The following LY75 variants were observed in gnomAD, a reference collection of about 807,000 sequenced individuals.
LY75 encodes C-type lectin domain family 13 member B.
Under a neutral mutation model 231.7 loss-of-function variants are expected in LY75, and 185 were observed. The observed-to-expected ratio is 0.80, with a 90% confidence interval of 0.71 to 0.90. LY75 has a LOEUF of 0.90. Among genes scored for constraint, LY75 ranks in the 40% least tolerant of loss-of-function variants. The pLI, the probability that LY75 is intolerant of heterozygous loss-of-function variation, is 0.00. For synonymous variants in LY75, 668 were observed against 689.0 expected (o/e 0.97, Z 0.48); for missense variants, 1,947 against 2,050.2 (o/e 0.95, Z 0.97).
chr2:159,868,750 G>A (rs920079499), intron 13 of LY75, among the ~76,000 whole-genome samples: 3 of 151,996 alleles, frequency 2.0e-5, no homozygotes, highest in Admixed American at 1.3e-4. Flanking sequence ...ATGGCTCCTC[G>A]TTCCAGTTAG....
rs1685232992 is a variant in LY75, at chr2:159,875,358, G to A, written c.1974+86C>T. The A allele has an allele frequency of 3.3e-6, 5 of 1,534,578 alleles. No individual in the cohort carries two copies. The South Asian group carries it at 5.1e-5, about 16-fold the overall frequency. On this transcript the variant is annotated intron_variant, in intron 12 of 34. Coordinates refer to ENST00000263636, the MANE Select transcript of LY75 (RefSeq NM_002349.4). ...TTTAGTTAGGTTACATAGTACTATG[G>A]AGAAGAGCATAATTTGTACAAGGAC...
Position 159,840,896 on chromosome 2 carries a change from G to C in LY75, c.3340C>G (p.Leu1114Val). Reference sequence around the variant, plus strand: ...AGAGTCTTTGGGATTATTTTGTACAGATTATTTAGATACTTTACAGTTTCT... The same window carrying C: ...AGAGTCTTTGGGATTATTTTGTACACATTATTTAGATACTTTACAGTTTCT... The part of the protein sequence containing the change: ...ASETVKYLNN[L>V]YKIIPKTLTW... Residue 1114 changes from leucine to valine, a missense_variant, in exon 25 of 35, where the codon CTG becomes GTG. Leu to Val is a conservative substitution (Grantham distance 32). Transcript: ENST00000263636. 6.2e-7 allele frequency: 1 copy of C among 1,614,030 alleles called. No individual in the cohort carries two copies. The highest frequency in any genetic ancestry group is 8.5e-7 in the Non-Finnish European group (1 of 1,179,966).
chr2:159,826,142 A>C (rs1031965278), intron 28 of LY75, among the ~76,000 whole-genome samples: 1 of 152,186 alleles, frequency 6.6e-6, no homozygotes. Flanking sequence ...AGGGCATTCA[A>C]ATGGGAAGAG....
At chr2:159,865,885 A>G (rs1684843875) in intron 13 of LY75, among the ~76,000 whole-genome samples, 1 of 152,168 alleles carries the variant, frequency 6.6e-6, no homozygotes. Flanking sequence ...CCTCAAATAC[A>G]TTTATGCTCT....
At chr2:159,886,270 A>C in intron 5 of LY75, 150 bp downstream of exon 5, 1 of 796,830 alleles carries the variant, frequency 1.3e-6, no homozygotes, top group East Asian at 3.1e-5. Flanking sequence ...ACCACAATTA[A>C]GAATGGTTTA....
intron 4 of LY75, among the ~76,000 whole-genome samples, chr2:159,888,943 G>T (rs1574596159): frequency 6.6e-6 from 1 of 152,140 alleles, no homozygotes; most frequent in East Asian, 1.9e-4. Context: ...GATGAAAGGA[G>T]ATAATGTATA....
At position 159,807,802 on chromosome 2, in the gene LY75, C is replaced by T. The variant is rs994105086; in HGVS notation, c.4822+647G>A. The T allele has an allele frequency of 6.3e-6, 6 of 950,670 alleles. No individual in the cohort carries two copies. The African/African-American group carries it at 1.1e-4, about 17-fold the overall frequency. 58.9% of individuals were successfully genotyped at this position (950,670 alleles called of 1,614,324 possible). A position where few individuals can be genotyped will look rare whatever the true frequency, so the allele number is the denominator to read the frequency against. ...AACCTTATCTTCTGTCATATTTGTACTCTTATTTCTACCAATTCCAAGTTC... is the reference window on the plus strand; with the variant it reads ...AACCTTATCTTCTGTCATATTTGTATTCTTATTTCTACCAATTCCAAGTTC... On this transcript the variant is annotated intron_variant, in intron 33 of 34. Transcript: ENST00000263636.
chr2:159,876,592 G>A (rs1685273030), intron 11 of LY75, among the ~76,000 whole-genome samples: 1 of 152,124 alleles, frequency 6.6e-6, no homozygotes, highest in Non-Finnish European at 1.5e-5. Flanking sequence ...GGTAAAGAGA[G>A]CTTCACATAG....
intron 28 of LY75, among the ~76,000 whole-genome samples, chr2:159,822,718 A>G (rs2125835175): frequency 6.6e-6 from 1 of 152,108 alleles, no homozygotes; most frequent in African/African-American, 2.4e-5. Context: ...CATACAGGAG[A>G]GCTCTGGCTG....
At chr2:159,822,610 C>T (rs144896489) in intron 28 of LY75, among the ~76,000 whole-genome samples, 24,490 of 152,176 alleles carry the variant, frequency 0.16, 2,287 homozygotes, top group East Asian at 0.32. Context: ...GCACAGTGTT[C>T]GAGCTCTGCT....
In LY75 at chr2:159,810,661, G is replaced by A. The variant is rs766221795; in HGVS notation, c.4564C>T (p.Arg1522Cys). The change falls in exon 32 of 35, where the codon CGT becomes TGT. Residue 1522 changes from arginine (R) to cysteine (C), a missense_variant. By Grantham distance (180) the Arg-to-Cys change is radical. Transcript: ENST00000263636. Reference sequence around the variant, plus strand: ...GGACATCTTGATGAATATGTAAGACGGGACAGCTTTTTAGCTATAAAAATG... The same window carrying A: ...GGACATCTTGATGAATATGTAAGACAGGACAGCTTTTTAGCTATAAAAATG... ...YKPTKSKKLS[R>C]LTYSSRCPAA... is the part of the protein sequence containing the mutation. The A allele has an allele frequency of 9.3e-6, 15 of 1,609,862 alleles. No homozygotes were observed. Among genetic ancestry groups the A allele is most frequent in the East Asian group, 4.5e-5 (2 of 44,830 alleles).
At chr2:159,812,621 C>G (rs1474633419) in intron 31 of LY75, among the ~76,000 whole-genome samples, 1 of 152,102 alleles carries the variant, frequency 6.6e-6, no homozygotes, top group Non-Finnish European at 1.5e-5. Context: ...CTGTGTTGCC[C>G]AGGCTGGTCT....
chr2:159,834,221 G>T lies in LY75; in HGVS notation c.3674-10C>A. 2 of 1,612,764 alleles carry T rather than the reference G, an allele frequency of 1.2e-6. No homozygotes were observed. Among genetic ancestry groups the T allele is most frequent in the Non-Finnish European group, 1.7e-6 (2 of 1,179,602 alleles). On this transcript the variant is annotated splice_polypyrimidine_tract_variant and intron_variant, in intron 26 of 34. Coordinates refer to ENST00000263636, the MANE Select transcript of LY75 (RefSeq NM_002349.4). ...TCTTTTTCAGTCTCATCTAGAAAAA[G>T]AGTTAATGGTAAGAATTCTAATTTG... is the stretch of plus-strand genomic sequence containing the variant.
intron 6 of LY75, among the ~76,000 whole-genome samples, chr2:159,882,955 G>A (rs756732831): frequency 6.6e-6 from 1 of 151,900 alleles, no homozygotes; most frequent in Non-Finnish European, 1.5e-5. Context: ...GCTCACAATC[G>A]AAGGTCTAAT....
rs978778687 is a variant in LY75 at position 159,846,297 on chromosome 2, G to T, written c.3150+3683C>A. Among the ~76,000 whole-genome samples, 6 of 152,122 alleles carry T rather than the reference G, an allele frequency of 3.9e-5. No homozygotes were observed. The South Asian group carries it at 1.0e-3, about 26-fold the overall frequency. On this transcript the variant is annotated intron_variant, in intron 23 of 34. Coordinates refer to ENST00000263636, the MANE Select transcript of LY75 (RefSeq NM_002349.4). Reference sequence around the variant, plus strand: ...CCCAGCACTTTGGAAGGACCATGTGGGAGGATCACTTGAAGCCAGGGGTTC... The same window carrying T: ...CCCAGCACTTTGGAAGGACCATGTGTGAGGATCACTTGAAGCCAGGGGTTC...
At chr2:159,855,608 A>G (rs2048436) in intron 16 of LY75, among the ~76,000 whole-genome samples, 61,909 of 152,036 alleles carry the variant, frequency 0.41, 13,291 homozygotes, top group South Asian at 0.67. Context: ...TTTTGCTGCC[A>G]TGGTATTTCG....
chr2:159,808,419 G>C, intron 33 of LY75, 30 bp downstream of exon 33: 2 of 1,613,080 alleles, frequency 1.2e-6, no homozygotes, highest in Non-Finnish European at 1.7e-6. Flanking sequence ...AACTCTCTTT[G>C]CACACTACAC....
At chr2:159,838,914 G>A (rs1683919781) in intron 25 of LY75, among the ~76,000 whole-genome samples, 1 of 152,110 alleles carries the variant, frequency 6.6e-6, no homozygotes, top group Non-Finnish European at 1.5e-5. Flanking sequence ...TGGTGCCTCA[G>A]CCTTCTGAGT....
chr2:159,818,146 G>A (rs1488970796), intron 29 of LY75, among the ~76,000 whole-genome samples: 2 of 152,260 alleles, frequency 1.3e-5, no homozygotes, highest in African/African-American at 2.4e-5. Flanking sequence ...AATTTATATC[G>A]ATACTCCCCT....
Sources: gnomAD v4.1 joint callset for allele counts (sites outside exome capture counted in the v4.1 genomes callset) on GRCh38, gnomAD v4.1.1 for gene constraint, MANE v1.5 for transcripts, NCBI Gene and HGNC (gene_info 2026-07-23, HGNC 2026-07-21) for gene names.